The following FAM168B variants were observed in gnomAD, a reference collection of about 807,000 sequenced individuals.
FAM168B encodes the protein myelin-associated neurite-outgrowth inhibitor.
A neutral mutation model predicts 21.8 loss-of-function variants in FAM168B; 19 were observed. That is an observed-to-expected ratio of 0.87 (90% confidence interval 0.61 to 1.28). The LOEUF (loss-of-function observed/expected upper bound fraction) is 1.28, where lower values mean the gene tolerates loss of function less well. FAM168B is among the 50% of genes most tolerant of loss of function. FAM168B has a pLI of 0.00. For synonymous variants in FAM168B, 126 were observed against 104.8 expected (o/e 1.20, Z -1.24); for missense variants, 233 against 263.1 (o/e 0.89, Z 0.79).
Position 131,055,634 on chromosome 2 carries a change from C to T in FAM168B, c.216G>A (p.Pro72=), listed in dbSNP as rs373179431. 18 of 1,612,536 alleles carry T rather than the reference C, an allele frequency of 1.1e-5. No homozygotes were observed. Among genetic ancestry groups the T allele is most frequent in the African/African-American group, 4.0e-5 (3 of 74,948 alleles). ...SCSPTSGAVP[P]YSSSPNPYQT... The stretch of plus-strand genomic sequence containing the variant: ...GGTAGGGGTTCGGGGAGGAGGAGTA[C>T]GGTGGCACAGCCCCGCTGGTGGGGG... Residue 72 remains proline (P), a synonymous_variant, in exon 4 of 7, where the codon CCG becomes CCA. Transcript: ENST00000389915.
chr2:131,048,737 A>T lies in FAM168B; in HGVS notation c.*3728T>A. On this transcript the variant is annotated 3_prime_UTR_variant, in exon 7 of 7. Coordinates refer to ENST00000389915, the MANE Select transcript of FAM168B (RefSeq NM_001009993.4). ...AATGCAGAGGTACTAGAGGGGAGAAATACGTGCTCTGCCTTCCCCCAGGCC... is the reference window on the plus strand; with the variant it reads ...AATGCAGAGGTACTAGAGGGGAGAATTACGTGCTCTGCCTTCCCCCAGGCC... The T allele has an allele frequency of 1.0e-6, 1 of 987,254 alleles. No homozygotes were observed. The highest frequency in any genetic ancestry group is 1.2e-6 in the Non-Finnish European group (1 of 830,958). The allele number at this position is 987,254 out of a possible 1,614,324, so 61.2% of individuals were successfully genotyped here.
chr2:131,092,502 G>A (rs932047449), intron 1 of FAM168B, among the ~76,000 whole-genome samples: 3 of 152,258 alleles, frequency 2.0e-5, no homozygotes, highest in Non-Finnish European at 1.5e-5. Context: ...TTAAGGAGTG[G>A]AAACTATATA....
intron 3 of FAM168B, among the ~76,000 whole-genome samples, chr2:131,063,664 G>A (rs755622662): frequency 2.0e-5 from 3 of 152,134 alleles, no homozygotes; most frequent in Admixed American, 6.5e-5. Flanking sequence ...TAGTCTCAGC[G>A]ATTTAGGAGG....
At chr2:131,081,402 G>A (rs895130618) in intron 2 of FAM168B, among the ~76,000 whole-genome samples, 3 of 152,186 alleles carry the variant, frequency 2.0e-5, no homozygotes, top group East Asian at 1.9e-4. Context: ...TTCTGCATTC[G>A]CTGCTGTCAG....
intron 1 of FAM168B, among the ~76,000 whole-genome samples, chr2:131,089,728 A>G (rs1046797133): frequency 1.6e-4 from 23 of 143,760 alleles, no homozygotes; most frequent in African/African-American, 2.6e-4. Context: ...AAAAAAAAAA[A>G]AAAGAAAGAA....
At chr2:131,067,723 T>A (rs1203226326) in intron 3 of FAM168B, among the ~76,000 whole-genome samples, 5 of 149,440 alleles carry the variant, frequency 3.3e-5, no homozygotes, top group African/African-American at 1.2e-4. Context: ...CCTATCACAC[T>A]CACACACACA....
chr2:131,077,484 A>C (rs894051681), intron 2 of FAM168B, among the ~76,000 whole-genome samples: 2 of 152,084 alleles, frequency 1.3e-5, no homozygotes, highest in African/African-American at 2.4e-5. Flanking sequence ...GCTCTCCCTA[A>C]TTCTACTTCC....
At chr2:131,068,445 A>G (rs1692687180) in intron 3 of FAM168B, among the ~76,000 whole-genome samples, 1 of 152,042 alleles carries the variant, frequency 6.6e-6, no homozygotes, top group Non-Finnish European at 1.5e-5. Context: ...AGGAATGAAA[A>G]CCACCGTGCC....
rs184766298 is a variant in FAM168B, at chr2:131,059,281, G to A, written c.155-3586C>T. Reference sequence around the variant, plus strand: ...TTATGCAGTCTTGGCAAGCAATGAGGAGTCAGCTCAGAGAGGGGCAGGTGG... The same window carrying A: ...TTATGCAGTCTTGGCAAGCAATGAGAAGTCAGCTCAGAGAGGGGCAGGTGG... On this transcript the variant is annotated intron_variant, in intron 3 of 6. Coordinates refer to ENST00000389915, the MANE Select transcript of FAM168B (RefSeq NM_001009993.4). Among the ~76,000 whole-genome samples, 36 of 152,232 alleles carry A rather than the reference G, an allele frequency of 2.4e-4. 1 individual carries two copies. The East Asian group carries it at 5.4e-3, about 23-fold the overall frequency.
chr2:131,073,942 A>G (rs917645837), intron 2 of FAM168B, among the ~76,000 whole-genome samples: 1 of 152,218 alleles, frequency 6.6e-6, no homozygotes, highest in African/African-American at 2.4e-5. Flanking sequence ...GTAATTCATA[A>G]TATGAACGAA....
chr2:131,074,269 C>T (rs1693025971), intron 2 of FAM168B, among the ~76,000 whole-genome samples: 2 of 152,078 alleles, frequency 1.3e-5, no homozygotes, highest in South Asian at 2.1e-4. Context: ...GCTGGGATTT[C>T]GGGCACACGC....
Position 131,063,117 on chromosome 2 carries a change from G to T in FAM168B, c.155-7422C>A, listed in dbSNP as rs1218822988. 2.6e-5 allele frequency among the ~76,000 whole-genome samples: 4 copies of T among 151,872 alleles called. No individual in the cohort carries two copies. The East Asian group carries it at 7.7e-4, about 29-fold the overall frequency. On this transcript the variant is annotated intron_variant, in intron 3 of 6. Coordinates refer to ENST00000389915, the MANE Select transcript of FAM168B (RefSeq NM_001009993.4). ...GTAGAATCTTAGCAGTCCATATATA[G>T]GTGATCACTGTGAAGTTTCTGCAAC...
At position 131,052,776 on chromosome 2, in the gene FAM168B, G is replaced by C. The variant is rs181082877; in HGVS notation, c.*12+115C>G. 7.1e-5 allele frequency: 103 copies of C among 1,440,766 alleles called. No homozygotes were observed. In the African/African-American group the frequency reaches 1.4e-3, roughly 19 times the overall value. The allele number at this position is 1,440,766 out of a possible 1,614,324, so 89.2% of individuals were successfully genotyped here. A position where few individuals can be genotyped will look rare whatever the true frequency, so the allele number is the denominator to read the frequency against. On this transcript the variant is annotated intron_variant, in intron 6 of 6. Coordinates refer to ENST00000389915, the MANE Select transcript of FAM168B (RefSeq NM_001009993.4). ...AAATTTAAACACTACATTGCCTCTGGATCCAGGGTCAGGCACACTTTCCTC... is the reference window on the plus strand; with the variant it reads ...AAATTTAAACACTACATTGCCTCTGCATCCAGGGTCAGGCACACTTTCCTC...
chr2:131,083,113 C>T (rs1274432104), intron 1 of FAM168B, among the ~76,000 whole-genome samples: 3 of 151,878 alleles, frequency 2.0e-5, no homozygotes, highest in African/African-American at 2.4e-5. Flanking sequence ...CTTAGCACTT[C>T]GGGAGGCTGA....
chr2:131,078,809 G>A (rs377265651), intron 2 of FAM168B, among the ~76,000 whole-genome samples: 4 of 151,510 alleles, frequency 2.6e-5, no homozygotes, highest in African/African-American at 4.8e-5. Flanking sequence ...AGTGAGACCC[G>A]ATCTCTACAA....
intron 2 of FAM168B, among the ~76,000 whole-genome samples, chr2:131,073,634 C>T (rs979254515): frequency 1.3e-5 from 2 of 152,184 alleles, no homozygotes; most frequent in South Asian, 2.1e-4. Context: ...AGCCCAAAAG[C>T]CCTCACGAGA....
intron 3 of FAM168B, among the ~76,000 whole-genome samples, chr2:131,068,185 GTC>G (rs1406957061): frequency 2.0e-5 from 3 of 152,116 alleles, no homozygotes; most frequent in African/African-American, 7.2e-5. Flanking sequence ...TTGAGACAGA[GTC>G]TCGCTCTGTC....
intron 2 of FAM168B, among the ~76,000 whole-genome samples, chr2:131,077,328 G>C (rs947359620): frequency 7.9e-5 from 12 of 151,920 alleles, no homozygotes; most frequent in African/African-American, 2.9e-4. Context: ...AGAACCTACT[G>C]TTCAGCCAGG....
chr2:131,089,782 C>G (rs1420758714), intron 1 of FAM168B, among the ~76,000 whole-genome samples: 5 of 151,868 alleles, frequency 3.3e-5, no homozygotes. Context: ...GCCTGTAATC[C>G]CAGCACTTTG....
Sources: gnomAD v4.1 joint callset for allele counts (sites outside exome capture counted in the v4.1 genomes callset) on GRCh38, gnomAD v4.1.1 for gene constraint, MANE v1.5 for transcripts, NCBI Gene and HGNC (gene_info 2026-07-23, HGNC 2026-07-21) for gene names.